PMM2: variants seen among roughly 807,000 people sequenced by gnomAD.
The protein encoded by PMM2 is mannose-6-phosphate isomerase.
A neutral mutation model predicts 33.2 loss-of-function variants in PMM2; 35 were observed. The observed-to-expected ratio is 1.06, with a 90% CI of 0.81 to 1.40. PMM2 has a LOEUF of 1.40. Among genes scored for constraint, PMM2 ranks in the 40% most tolerant of loss-of-function variants. The probability of loss-of-function intolerance (pLI) is 0.00; values close to 1 mark genes in which losing one functional copy is unlikely to be tolerated. For missense variants in PMM2, 386 were observed against 306.0 expected, an observed-to-expected ratio of 1.26 and a Z score of -1.95; for synonymous variants, 153 against 114.7, an observed-to-expected ratio of 1.33 and a Z score of -2.13.
rs1446844907 is a variant in PMM2, at chr16:8,810,895, C to T, written c.348-184C>T. 3 of 621,280 alleles carry T rather than the reference C, an allele frequency of 4.8e-6. No homozygotes were observed. In the South Asian group the frequency reaches 5.7e-5, roughly 12 times the overall value. The allele number at this position is 621,280 out of a possible 1,614,324, so 38.5% of individuals were successfully genotyped here. A position where few individuals can be genotyped will look rare whatever the true frequency, so the allele number is the denominator to read the frequency against. On this transcript the variant is annotated intron_variant, in intron 4 of 7. Transcript: ENST00000268261. ...CAAATCTAATCTCAATTCATATTAGCCACATTTCAAGTCTTAATAGTCACA... is the reference window on the plus strand; with the variant it reads ...CAAATCTAATCTCAATTCATATTAGTCACATTTCAAGTCTTAATAGTCACA...
At chr16:8,810,365 G>A (rs2060670828) in intron 4 of PMM2, 1 of 152,438 alleles carries the variant, frequency 6.6e-6, no homozygotes, top group East Asian at 1.9e-4. Context: ...TCTAGGAAAT[G>A]ACTGCTGTTG....
intron 7 of PMM2, among the ~76,000 whole-genome samples, chr16:8,844,884 A>G (rs1294744411): frequency 1.3e-5 from 2 of 152,184 alleles, no homozygotes; most frequent in Non-Finnish European, 2.9e-5. Context: ...TGCTTATTGG[A>G]TTTGAAATTG....
At chr16:8,798,359 C>T (rs947671804) in intron 1 of PMM2, among the ~76,000 whole-genome samples, 3 of 152,100 alleles carry the variant, frequency 2.0e-5, no homozygotes, top group South Asian at 2.1e-4. Flanking sequence ...CAGGTCAAAC[C>T]GACCTAGTGG....
intron 7 of PMM2, among the ~76,000 whole-genome samples, chr16:8,839,843 T>A (rs1167594340): frequency 6.8e-6 from 1 of 147,958 alleles, no homozygotes; most frequent in Non-Finnish European, 1.5e-5. Context: ...GCATAGTAGT[T>A]TGTGTTGTGA....
intron 7 of PMM2, among the ~76,000 whole-genome samples, chr16:8,836,778 C>T (rs1048361262): frequency 1.3e-4 from 19 of 151,930 alleles, no homozygotes; most frequent in Admixed American, 6.6e-5. Flanking sequence ...TAAAGCGTGT[C>T]AGGGTTGCTG....
At chr16:8,825,187 C>T (rs1030501263) in intron 7 of PMM2, among the ~76,000 whole-genome samples, 10 of 152,086 alleles carry the variant, frequency 6.6e-5, no homozygotes, top group Non-Finnish European at 1.0e-4. Flanking sequence ...TGTGCCACCA[C>T]GCCTGGCTAA....
intron 7 of PMM2, among the ~76,000 whole-genome samples, chr16:8,835,042 A>G (rs990810040): frequency 6.7e-6 from 1 of 149,874 alleles, no homozygotes; most frequent in African/African-American, 2.5e-5. Flanking sequence ...AGTTACGAGA[A>G]ATGTAGAGAG....
At chr16:8,840,777 T>G (rs1276336184) in intron 7 of PMM2, among the ~76,000 whole-genome samples, 1 of 151,916 alleles carries the variant, frequency 6.6e-6, no homozygotes, top group Non-Finnish European at 1.5e-5. Flanking sequence ...TATAGATGAC[T>G]AAGTAGGGTC....
intron 4 of PMM2, chr16:8,810,768 A>C (rs774354053): frequency 2.3e-5 from 9 of 394,010 alleles, no homozygotes; most frequent in Non-Finnish European, 4.3e-5. Flanking sequence ...GTAGAGACAG[A>C]GTTTCGCCAT....
chr16:8,803,401 C>T (rs911495601), intron 2 of PMM2, among the ~76,000 whole-genome samples: 1 of 152,174 alleles, frequency 6.6e-6, no homozygotes, highest in Non-Finnish European at 1.5e-5. Context: ...ACCACTTGCT[C>T]AGGGAAGTTT....
rs769051524 is a variant in PMM2 at position 8,848,585 on chromosome 16, C to CT, written c.*761dup. On this transcript the variant is annotated 3_prime_UTR_variant, in exon 8 of 8. Coordinates refer to ENST00000268261, the MANE Select transcript of PMM2 (RefSeq NM_000303.3). ...GAGGTAGTGGGAACCAACAGCTGGG[C>CT]TGGAGAGTTGGTGCTGGCAAAACAG... 46 of 152,570 alleles carry CT rather than the reference C, an allele frequency of 3.0e-4. No individual in the cohort carries two copies. Among genetic ancestry groups the CT allele is most frequent in the Non-Finnish European group, 4.3e-4 (29 of 68,212 alleles). 9.5% of individuals were successfully genotyped at this position (152,570 alleles called of 1,614,324 possible).
chr16:8,801,542 A>G (rs191439661), intron 1 of PMM2, among the ~76,000 whole-genome samples: 46 of 152,276 alleles, frequency 3.0e-4, no homozygotes, highest in African/African-American at 1.1e-3. Flanking sequence ...GTGCTGGCAC[A>G]TAACTATGGT....
intron 6 of PMM2, 136 bp downstream of exon 6, chr16:8,811,849 G>C (rs2060679778): frequency 1.4e-6 from 1 of 708,860 alleles, no homozygotes. Flanking sequence ...CCAGTCTATA[G>C]ACAAAAACCA....
Position 8,848,069 on chromosome 16 carries a change from C to G in PMM2, c.*244C>G. 1 of 532,678 alleles carries G rather than the reference C, an allele frequency of 1.9e-6. No individual in the cohort carries two copies. Among genetic ancestry groups the G allele is most frequent in the South Asian group, 2.0e-5 (1 of 49,980 alleles). The allele number at this position is 532,678 out of a possible 1,614,324, so 33.0% of individuals were successfully genotyped here. On this transcript the variant is annotated 3_prime_UTR_variant, in exon 8 of 8. Transcript: ENST00000268261. The stretch of plus-strand genomic sequence containing the variant: ...GCACAAAAGGTCTTCCCCACCCACC[C>G]CCAGCCCCCTAGTCTAATACCCACC...
intron 4 of PMM2, chr16:8,808,937 T>G (rs1454541333): frequency 6.6e-6 from 1 of 152,264 alleles, no homozygotes; most frequent in African/African-American, 2.4e-5. Flanking sequence ...CTCTGCAAGT[T>G]GAGCAAAATA....
At chr16:8,845,031 A>G (rs1237951935) in intron 7 of PMM2, among the ~76,000 whole-genome samples, 3 of 152,228 alleles carry the variant, frequency 2.0e-5, no homozygotes, top group Non-Finnish European at 4.4e-5. Flanking sequence ...ACCAAATTTC[A>G]TGCGCGTCCA....
intron 7 of PMM2, among the ~76,000 whole-genome samples, chr16:8,838,280 T>C (rs558844732): frequency 3.0e-4 from 46 of 152,234 alleles, no homozygotes; most frequent in Non-Finnish European, 5.4e-4. Context: ...AATGGTGGAA[T>C]GTCATCAGCT....
chr16:8,811,646 T>G lies in PMM2; in HGVS notation c.456T>G (p.Asn152Lys). The stretch of plus-strand genomic sequence containing the variant: ...CTTTTTGTTTTTCTCAGAAAGAAAA[T>G]ATAAGACAAAAGTTTGTAGCAGATC... ...IEFYELDKKE[N>K]IRQKFVADLR... Residue 152 changes from asparagine (N) to lysine (K), a missense_variant, in exon 6 of 8, where the codon AAT (asparagine) becomes AAG (lysine). Coordinates refer to ENST00000268261, the MANE Select transcript of PMM2 (RefSeq NM_000303.3). 6.2e-7 allele frequency: 1 copy of G among 1,610,760 alleles called. No individual in the cohort carries two copies. The highest frequency in any genetic ancestry group is 2.2e-5 in the East Asian group (1 of 44,858).
In PMM2 at chr16:8,847,840, G is replaced by T; in HGVS notation, c.*15G>T. 1 of 1,595,462 alleles carries T rather than the reference G, an allele frequency of 6.3e-7. No homozygotes were observed. Among genetic ancestry groups the T allele is most frequent in the South Asian group, 1.1e-5 (1 of 90,708 alleles). On this transcript the variant is annotated 3_prime_UTR_variant, in exon 8 of 8. Coordinates refer to ENST00000268261, the MANE Select transcript of PMM2 (RefSeq NM_000303.3). ...TGTTCTCCTAACGTGGGAGCGGGAG[G>T]GGCGGGGTCCCGGCTGACAAGCCAG...
Sources: allele counts gnomAD v4.1 joint callset (sites outside exome capture counted in the v4.1 genomes callset), GRCh38; gene constraint gnomAD v4.1.1; transcripts MANE v1.5; gene names NCBI Gene and HGNC (gene_info 2026-07-23, HGNC 2026-07-21).